The following HABP4 variants were observed in gnomAD, a reference collection of about 807,000 sequenced individuals.
HABP4 encodes intracellular hyaluronan-binding protein 4.
In HABP4, 32 loss-of-function variants were observed where a neutral mutation model predicts 44.1. The ratio of observed to expected loss-of-function variants is 0.73; its 90% CI spans 0.55 to 0.97. HABP4 has a LOEUF of 0.97. Ranked by LOEUF, HABP4 falls within the 50% of genes least tolerant of loss-of-function variation. The pLI is 0.00. For synonymous variants in HABP4, 216 were observed against 218.0 expected (o/e 0.99, Z 0.08); for missense variants, 503 against 561.9 (o/e 0.90, Z 1.06).
At chr9:96,450,115 G>C, upstream of HABP4, 1 of 627,910 alleles carries the variant, frequency 1.6e-6, no homozygotes. The surrounding 1 kb of genome is among the most constrained non-coding windows in gnomAD (Gnocchi z 4.8). Context: ...TGGCGCAGCG[G>C]GGCGGACGGC....
At chr9:96,471,805 T>C (rs1005448998) in intron 5 of HABP4, among the ~76,000 whole-genome samples, 4 of 152,064 alleles carry the variant, frequency 2.6e-5, no homozygotes, top group African/African-American at 9.7e-5. Context: ...TGGGGTTTTT[T>C]TTGAGACAGA....
intron 1 of HABP4, among the ~76,000 whole-genome samples, chr9:96,456,767 AAAAAAAAAAAAAAATATATATATATAT>A (rs1312660932): frequency 1.0e-3 from 58 of 57,336 alleles, no homozygotes; most frequent in Admixed American, 5.9e-3. Context: ...CTCAAAAAAA[AAAAAAAAAAAAAAATATATATATATAT>A]ATATATATAT....
At chr9:96,457,239 G>A (rs1354179163) in intron 1 of HABP4, among the ~76,000 whole-genome samples, 1 of 152,030 alleles carries the variant, frequency 6.6e-6, no homozygotes, top group Non-Finnish European at 1.5e-5. Context: ...GGTGGCGCAG[G>A]CCTGTGATCC....
intron 1 of HABP4, among the ~76,000 whole-genome samples, chr9:96,457,758 C>G (rs1319659906): frequency 6.6e-6 from 1 of 151,954 alleles, no homozygotes; most frequent in Non-Finnish European, 1.5e-5. Context: ...ATTCCAGCAT[C>G]TTGGGAGGCT....
chr9:96,454,448 CTTTTTTTT>C lies in HABP4; in HGVS notation c.349+3833_349+3840del, dbSNP rs994572427. Reference sequence around the variant, plus strand: ...TGAATGCCTTTTCCAGTTCTGAACTCTTTTTTTTTTTTTTTTTTTTGAGACGGAGTCTC... The same window carrying C: ...TGAATGCCTTTTCCAGTTCTGAACTCTTTTTTTTTTTTGAGACGGAGTCTC... On this transcript the variant is annotated intron_variant, in intron 1 of 7. Coordinates refer to ENST00000375249, the MANE Select transcript of HABP4 (RefSeq NM_014282.4). Among the ~76,000 whole-genome samples the C allele has an allele frequency of 6.3e-5, 8 of 127,320 alleles. No homozygotes were observed. The South Asian group carries it at 2.0e-3, about 32-fold the overall frequency. The allele number at this position is 127,320 out of a possible 152,430, so 83.5% of individuals were successfully genotyped here. A position where few individuals can be genotyped will look rare whatever the true frequency, so the allele number is the denominator to read the frequency against.
At position 96,484,618 on chromosome 9, in the gene HABP4, A is replaced by G; in HGVS notation, c.984A>G (p.Ser328=). The part of the protein sequence containing the change: ...VPSKAVVIHK[S]KYRDDMVKDD... ...CCAAAGCCGTGGTGATTCACAAGTC[A>G]AAATACAGAGATGATGTAAGCATTG... The change falls in exon 6 of 8, where the codon TCA becomes TCG. Residue 328 remains serine (S), a synonymous_variant. Coordinates refer to ENST00000375249, the MANE Select transcript of HABP4 (RefSeq NM_014282.4). 1 of 1,576,554 alleles carries G rather than the reference A, an allele frequency of 6.3e-7. No homozygotes were observed. The highest frequency in any genetic ancestry group is 8.7e-7 in the Non-Finnish European group (1 of 1,146,470).
rs551393837 is a variant in HABP4 at position 96,474,824 on chromosome 9, G to A, written c.827+3730G>A. Among the ~76,000 whole-genome samples, 120 of 152,254 alleles carry A rather than the reference G, an allele frequency of 7.9e-4. 1 individual carries two copies. The highest frequency in any genetic ancestry group is 2.9e-3 in the African/African-American group (120 of 41,552). ...CTGGCTTCTGGCATTTAGCCTGAAT[G>A]TACATTCAGTGTACCTCTCAGTTCT... On this transcript the variant is annotated intron_variant, in intron 5 of 7. Coordinates refer to ENST00000375249, the MANE Select transcript of HABP4 (RefSeq NM_014282.4).
At chr9:96,464,725 T>C (rs774133682) in intron 2 of HABP4, among the ~76,000 whole-genome samples, 1 of 152,170 alleles carries the variant, frequency 6.6e-6, no homozygotes, top group Non-Finnish European at 1.5e-5. Flanking sequence ...GCTATTGGGC[T>C]TAAAGAGGTC....
chr9:96,452,224 C>A (rs1832296249), intron 1 of HABP4, among the ~76,000 whole-genome samples: 10 of 79,016 alleles, frequency 1.3e-4, no homozygotes, highest in African/African-American at 2.9e-4. Flanking sequence ...GAGACTCCGT[C>A]ACAAAAAAAA....
chr9:96,485,773 A>G (rs1054508306), intron 6 of HABP4, among the ~76,000 whole-genome samples: 8 of 151,642 alleles, frequency 5.3e-5, no homozygotes, highest in African/African-American at 1.5e-4. Context: ...ACCAGTCACT[A>G]TTTCGAGGTG....
chr9:96,481,571 C>T (rs921968787), intron 5 of HABP4, among the ~76,000 whole-genome samples: 7 of 151,840 alleles, frequency 4.6e-5, no homozygotes, highest in East Asian at 2.0e-4. Context: ...GGAGAGACCC[C>T]GTCTCTACAA....
At chr9:96,487,698 T>C (rs1832999653) in intron 6 of HABP4, among the ~76,000 whole-genome samples, 1 of 152,096 alleles carries the variant, frequency 6.6e-6, no homozygotes. Flanking sequence ...ATGAAAACTT[T>C]TTTATCTCAG....
intron 5 of HABP4, chr9:96,483,503 C>T (rs1012907378): frequency 7.9e-5 from 12 of 152,214 alleles, no homozygotes; most frequent in African/African-American, 2.9e-4. Flanking sequence ...CCTCCCACCT[C>T]AGCCCCCTGA....
chr9:96,480,888 G>GT (rs551459908), intron 5 of HABP4, among the ~76,000 whole-genome samples: 98 of 152,210 alleles, frequency 6.4e-4, no homozygotes, highest in Middle Eastern at 3.4e-3. Context: ...TTGCTTTGAT[G>GT]TTTTTTCTAC....
chr9:96,453,438 T>TGACCTCAGGTGATCCGCCCGCCTCA (rs534678872), intron 1 of HABP4, among the ~76,000 whole-genome samples: 1,921 of 151,804 alleles, frequency 0.013, 24 homozygotes, highest in Non-Finnish European at 0.02. Context: ...CTTGAACTCC[T>TGACCTCAGGTGATCCGCCCGCCTCA]GACCTCAGGT....
intron 1 of HABP4, among the ~76,000 whole-genome samples, chr9:96,453,211 C>T (rs1407440951): frequency 6.6e-6 from 1 of 151,276 alleles, no homozygotes; most frequent in East Asian, 1.9e-4. Context: ...GGACTACAGG[C>T]ATGCGCCACC....
chr9:96,476,728 G>A (rs749102828), intron 5 of HABP4, among the ~76,000 whole-genome samples: 2 of 152,234 alleles, frequency 1.3e-5, no homozygotes, highest in African/African-American at 2.4e-5. Flanking sequence ...GGGAAATGGG[G>A]TATGCGTCAC....
intron 1 of HABP4, among the ~76,000 whole-genome samples, chr9:96,457,020 G>A (rs933420281): frequency 6.6e-6 from 1 of 151,602 alleles, no homozygotes; most frequent in Non-Finnish European, 1.5e-5. Context: ...GTATTAGATG[G>A]CTTCAAACAT....
intron 4 of HABP4, among the ~76,000 whole-genome samples, chr9:96,467,388 C>G (rs1026957292): frequency 6.6e-6 from 1 of 152,008 alleles, no homozygotes; most frequent in Non-Finnish European, 1.5e-5. Flanking sequence ...ATCTGGGGTT[C>G]CATAGGATCT....
Sources: gnomAD v4.1 joint callset for allele counts (sites outside exome capture counted in the v4.1 genomes callset) on GRCh38, gnomAD v4.1.1 for gene constraint, Gnocchi (gnomAD v3.1) non-coding constraint, MANE v1.5 for transcripts, NCBI Gene and HGNC (gene_info 2026-07-23, HGNC 2026-07-21) for gene names.